PARP2: variants seen among roughly 807,000 people sequenced by gnomAD.
PARP2 encodes the protein poly(ADP-ribose) polymerase 2.
In PARP2, 57 loss-of-function variants were observed where a neutral mutation model predicts 77.8. That is an observed-to-expected ratio of 0.73 (90% confidence interval 0.59 to 0.91). The LOEUF (loss-of-function observed/expected upper bound fraction) is 0.91, where lower values mean the gene tolerates loss of function less well. Ranked by LOEUF, PARP2 falls within the 40% of genes least tolerant of loss-of-function variation. The probability of loss-of-function intolerance (pLI) is 0.00; values close to 1 mark genes in which losing one functional copy is unlikely to be tolerated. For missense variants in PARP2, 651 were observed against 689.0 expected (o/e 0.94, Z 0.62); for synonymous variants, 226 against 242.6 (o/e 0.93, Z 0.64).
At chr14:20,346,321 C>CT (rs71108595) in intron 3 of PARP2, among the ~76,000 whole-genome samples, 4,720 of 90,788 alleles carry the variant, frequency 0.052, 302 homozygotes, top group Middle Eastern at 0.12. Context: ...CAGTTAGAAT[C>CT]TTTTTTTTTT....
chr14:20,351,195 T>G, intron 6 of PARP2, 73 bp downstream of exon 6: 5 of 1,106,530 alleles, frequency 4.5e-6, no homozygotes, highest in Non-Finnish European at 6.7e-6. Context: ...AAAAATTTTT[T>G]TTTAGACAGT....
Position 20,356,358 on chromosome 14 carries a change from A to G in PARP2, c.1153A>G (p.Thr385Ala). 6.2e-7 allele frequency: 1 copy of G among 1,614,096 alleles called. No homozygotes were observed. Among genetic ancestry groups the G allele is most frequent in the South Asian group, 1.1e-5 (1 of 91,084 alleles). ...STHAPTHSDYTMTLLDLFEVE... is the reference protein window; with the variant it reads ...STHAPTHSDYAMTLLDLFEVE... ...CCATGCTCCCACACACAGCGACTATACCATGACCTTGCTGGATTTGTTTGA... is the reference window on the plus strand; with the variant it reads ...CCATGCTCCCACACACAGCGACTATGCCATGACCTTGCTGGATTTGTTTGA... Residue 385 changes from threonine (T) to alanine (A), a missense_variant, in exon 12 of 16, where the codon ACC becomes GCC. Physicochemically the swap from Thr to Ala is moderately conservative, Grantham distance 58. Transcript: ENST00000429687.
rs1326779388 is a variant in PARP2 at position 20,354,205 on chromosome 14, A to G, written c.721A>G (p.Met241Val). 1.2e-6 allele frequency: 2 copies of G among 1,613,826 alleles called. No individual in the cohort carries two copies. Among genetic ancestry groups the G allele is most frequent in the African/African-American group, 2.7e-5 (2 of 74,924 alleles). The change falls in exon 8 of 16, where the codon ATG (methionine) becomes GTG (valine). Residue 241 changes from methionine to valine, a missense_variant. Met to Val is a conservative substitution (Grantham distance 21, BLOSUM62 1). Transcript: ENST00000429687. ...CTGTAATGTTCAGGCCATGGAAGAAATGATGATGGAAATGAAGTATAATAC... is the reference window on the plus strand; with the variant it reads ...CTGTAATGTTCAGGCCATGGAAGAAGTGATGATGGAAATGAAGTATAATAC... Reference protein sequence around the residue: ...LICNVQAMEEMMMEMKYNTKK... With the variant: ...LICNVQAMEEVMMEMKYNTKK...
intron 7 of PARP2, among the ~76,000 whole-genome samples, chr14:20,353,783 A>C (rs561946506): frequency 6.6e-6 from 1 of 152,284 alleles, no homozygotes; most frequent in Admixed American, 6.5e-5. Context: ...GTCTTTACAC[A>C]CTGACGTCAT....
Position 20,357,636 on chromosome 14 carries a change from A to C in PARP2, c.1554-2A>C, listed in dbSNP as rs371069924. ...TTGACACACTTTTTTTCCATTTGGC[A>C]GGAATGGGAGTACAGTGCCATTAGG... On this transcript the variant is annotated splice_acceptor_variant, in intron 15 of 15. Transcript: ENST00000429687. LOFTEE classifies it high-confidence loss of function. 6.2e-7 allele frequency: 1 copy of C among 1,608,676 alleles called. No homozygotes were observed. The highest frequency in any genetic ancestry group is 8.5e-7 in the Non-Finnish European group (1 of 1,178,646).
intron 11 of PARP2, 63 bp downstream of exon 11, chr14:20,356,094 GTTC>G: frequency 6.4e-7 from 1 of 1,563,434 alleles, no homozygotes; most frequent in Admixed American, 1.8e-5. Context: ...CCATCCCACT[GTTC>G]TCTAACTACT....
intron 6 of PARP2, among the ~76,000 whole-genome samples, chr14:20,351,841 C>G (rs1883966468): frequency 6.6e-6 from 1 of 151,014 alleles, no homozygotes; most frequent in African/African-American, 2.4e-5. Context: ...AAGCGAGACC[C>G]CTGACTCTCC....
At chr14:20,351,590 A>AC (rs2138934407) in intron 6 of PARP2, among the ~76,000 whole-genome samples, 1 of 152,376 alleles carries the variant, frequency 6.6e-6, no homozygotes, top group African/African-American at 2.4e-5. Flanking sequence ...TTGAAACACC[A>AC]AACTGCATCC....
intron 4 of PARP2, among the ~76,000 whole-genome samples, chr14:20,350,027 T>C (rs910702709): frequency 2.6e-5 from 4 of 152,202 alleles, no homozygotes; most frequent in Non-Finnish European, 5.9e-5. Context: ...CCTCCCATTA[T>C]TGCCCTGCTC....
At chr14:20,349,122 T>G (rs1292455731) in intron 4 of PARP2, among the ~76,000 whole-genome samples, 4 of 152,012 alleles carry the variant, frequency 2.6e-5, no homozygotes, top group Non-Finnish European at 5.9e-5. Flanking sequence ...GAGAATCACT[T>G]CAGGTGTGAG....
At chr14:20,353,609 T>C (rs1364007350) in intron 7 of PARP2, among the ~76,000 whole-genome samples, 1 of 152,196 alleles carries the variant, frequency 6.6e-6, no homozygotes, top group Non-Finnish European at 1.5e-5. Context: ...ACAATTAACA[T>C]TTAAATTTGT....
rs1883663600 is a variant in PARP2, at chr14:20,345,080, G to A, written c.195G>A (p.Lys65=). ...GKANKDRTED[K]QDESVKALLL... ...CTAATAAGGACAGGACAGAAGACAA[G>A]CAAGATGGTATGCCAGGAAGGTCAT... The change falls in exon 2 of 16, where the codon AAG becomes AAA. Residue 65 remains lysine (K), a synonymous_variant. Transcript: ENST00000429687. 3.1e-6 allele frequency: 5 copies of A among 1,614,150 alleles called. No homozygotes were observed. The highest frequency in any genetic ancestry group is 4.2e-6 in the Non-Finnish European group (5 of 1,180,008).
chr14:20,345,345 A>C, intron 2 of PARP2, 49 bp from the exon 3 acceptor site: 5 of 1,470,036 alleles, frequency 3.4e-6, no homozygotes, highest in Non-Finnish European at 4.7e-6. Context: ...TTTTACCACA[A>C]CAGCTGTTTT....
rs934723194 is a variant in PARP2, at chr14:20,356,885, G to C, written c.1330-166G>C. 1.6e-5 allele frequency: 11 copies of C among 674,036 alleles called. No homozygotes were observed. The African/African-American group carries it at 1.8e-4, about 11-fold the overall frequency. The allele number at this position is 674,036 out of a possible 1,614,324, so 41.8% of individuals were successfully genotyped here. A position where few individuals can be genotyped will look rare whatever the true frequency, so the allele number is the denominator to read the frequency against. On this transcript the variant is annotated intron_variant, in intron 13 of 15. Transcript: ENST00000429687. ...ATACCTCACCTTTCCCTCAGAAGGC[G>C]GAAATTCACAGGGGCTTCTACCCTC...
At chr14:20,356,786 C>T in intron 13 of PARP2, 97 bp downstream of exon 13, 1 of 962,512 alleles carries the variant, frequency 1.0e-6, no homozygotes. Context: ...TGGTTCCCCT[C>T]CCCAAGAGTT....
chr14:20,346,988 A>G, intron 4 of PARP2, 75 bp downstream of exon 4: 1 of 947,966 alleles, frequency 1.1e-6, no homozygotes, highest in Non-Finnish European at 1.7e-6. Context: ...ATAGCATCAC[A>G]GTGTTCAGAT....
chr14:20,353,982 T>C (rs1884050918), intron 7 of PARP2, 103 bp from the exon 8 acceptor site: 24 of 941,002 alleles, frequency 2.6e-5, no homozygotes, highest in Non-Finnish European at 3.3e-5. Flanking sequence ...CAGTGCAATA[T>C]AAAAACTTTA....
At chr14:20,349,895 C>A (rs1883896613) in intron 4 of PARP2, among the ~76,000 whole-genome samples, 1 of 152,186 alleles carries the variant, frequency 6.6e-6, no homozygotes, top group Non-Finnish European at 1.5e-5. Flanking sequence ...TCTCTTCACT[C>A]TGAGTGATTT....
intron 4 of PARP2, among the ~76,000 whole-genome samples, chr14:20,348,202 C>T (rs750451825): frequency 5.9e-5 from 9 of 152,012 alleles, no homozygotes; most frequent in Non-Finnish European, 1.2e-4. Flanking sequence ...AGTTATTGGT[C>T]CTTTTCTTAC....
Sources: gnomAD v4.1 joint callset for allele counts (sites outside exome capture counted in the v4.1 genomes callset) on GRCh38, gnomAD v4.1.1 for gene constraint, MANE v1.5 for transcripts, NCBI Gene and HGNC (gene_info 2026-07-23, HGNC 2026-07-21) for gene names.